AGR2: variants seen among roughly 807,000 people sequenced by gnomAD.
The protein encoded by AGR2 is anterior gradient protein 2 homolog.
In AGR2, 27 loss-of-function variants were observed where a neutral mutation model predicts 25.9. The ratio of observed to expected loss-of-function variants is 1.04; its 90% CI spans 0.77 to 1.44. The LOEUF is 1.44. Among genes scored for constraint, AGR2 ranks in the 40% most tolerant of loss-of-function variants. The pLI, the probability that AGR2 is intolerant of heterozygous loss-of-function variation, is 0.00. For synonymous variants in AGR2, 78 were observed against 72.0 expected (o/e 1.08, Z -0.42); for missense variants, 182 against 200.9 (o/e 0.91, Z 0.57).
rs754083048 is a variant in AGR2 at position 16,801,191 on chromosome 7, C to T, written c.216G>A (p.Leu72=). 1 of 1,613,734 alleles carries T rather than the reference C, an allele frequency of 6.2e-7. No homozygotes were observed. The highest frequency in any genetic ancestry group is 8.5e-7 in the Non-Finnish European group (1 of 1,179,890). Residue 72 remains leucine, a synonymous_variant, in exon 4 of 8, where the codon TTG becomes TTA. Coordinates refer to ENST00000419304, the MANE Select transcript of AGR2 (RefSeq NM_006408.4). ...ACTCATCCAAGTGATGAATAATCAT[C>T]AAGGGTTTGTTGCTTTAAAAGACAG... ...LYKSKTSNKP[L]MIIHHLDECP...
intron 6 of AGR2, among the ~76,000 whole-genome samples, 190 bp downstream of exon 6, chr7:16,797,441 T>C (rs1305851580): frequency 6.6e-6 from 1 of 152,140 alleles, no homozygotes; most frequent in African/African-American, 2.4e-5. Flanking sequence ...AAGTGTTGTG[T>C]GGAAATAGGT....
chr7:16,793,652 A>T (rs1435310443), intron 7 of AGR2, among the ~76,000 whole-genome samples: 1 of 152,228 alleles, frequency 6.6e-6, no homozygotes, highest in Non-Finnish European at 1.5e-5. Flanking sequence ...CTTTATGCAG[A>T]TGAATTCTTT....
intron 6 of AGR2, among the ~76,000 whole-genome samples, chr7:16,797,120 G>A (rs1456338414): frequency 6.6e-6 from 1 of 151,966 alleles, no homozygotes; most frequent in Non-Finnish European, 1.5e-5. Context: ...TAGAGATGGG[G>A]TTTCACCTTG....
intron 1 of AGR2, among the ~76,000 whole-genome samples, chr7:16,802,121 A>T (rs917313595): frequency 1.3e-5 from 2 of 152,006 alleles, no homozygotes; most frequent in Admixed American, 6.6e-5. Context: ...ACCGCGTCCA[A>T]AATAAGTGAG....
intron 4 of AGR2, among the ~76,000 whole-genome samples, chr7:16,800,607 G>T (rs1785125838): frequency 6.6e-6 from 1 of 152,206 alleles, no homozygotes; most frequent in Non-Finnish European, 1.5e-5. Context: ...TGGCTGTAGG[G>T]TGGCCAGTTA....
At position 16,792,803 on chromosome 7, in the gene AGR2, A is replaced by C; in HGVS notation, c.*105T>G. ...TTGTTGTAACATTAAACCATAACCT[A>C]ATCAGTGTGTTCACTATGCTTCCAC... is the stretch of plus-strand genomic sequence containing the variant. On this transcript the variant is annotated 3_prime_UTR_variant, in exon 8 of 8. Transcript: ENST00000419304. 1 of 1,000,494 alleles carries C rather than the reference A, an allele frequency of 1.0e-6. No individual in the cohort carries two copies. The highest frequency in any genetic ancestry group is 1.6e-6 in the Non-Finnish European group (1 of 627,078). 62.0% of individuals were successfully genotyped at this position (1,000,494 alleles called of 1,614,324 possible).
intron 1 of AGR2, among the ~76,000 whole-genome samples, chr7:16,802,139 C>T (rs1785159947): frequency 1.3e-5 from 2 of 151,964 alleles, no homozygotes; most frequent in Admixed American, 1.3e-4. Context: ...GAGCACAGTG[C>T]AATAAGATAT....
intron 4 of AGR2, among the ~76,000 whole-genome samples, chr7:16,800,202 G>T (rs189875552): frequency 4.6e-5 from 7 of 152,360 alleles, no homozygotes; most frequent in Admixed American, 2.6e-4. Flanking sequence ...ATACTTTCAG[G>T]TAGAGATATG....
chr7:16,802,865 CTG>C (rs1049931789), intron 1 of AGR2, among the ~76,000 whole-genome samples: 1 of 152,120 alleles, frequency 6.6e-6, no homozygotes, highest in African/African-American at 2.4e-5. Flanking sequence ...CAAGGGCTCA[CTG>C]TGTTGCCCAG....
chr7:16,795,657 A>G (rs1228774310), intron 6 of AGR2, among the ~76,000 whole-genome samples: 1 of 152,214 alleles, frequency 6.6e-6, no homozygotes, highest in Non-Finnish European at 1.5e-5. Context: ...AAGTGATCTA[A>G]TTAATGAGAA....
chr7:16,800,079 G>C (rs923196799), intron 4 of AGR2, among the ~76,000 whole-genome samples: 1 of 151,970 alleles, frequency 6.6e-6, no homozygotes, highest in Non-Finnish European at 1.5e-5. Context: ...CATGTGTTAC[G>C]CACTGTGTTC....
rs1472107449 is a variant in AGR2 at position 16,801,811 on chromosome 7, G to A, written c.-7-8C>T. On this transcript the variant is annotated splice_region_variant and splice_polypyrimidine_tract_variant and intron_variant, in intron 1 of 7. Transcript: ENST00000419304. The stretch of plus-strand genomic sequence containing the variant: ...ATTTTCTCCATGGCAACTCTAGTAT[G>A]GAAAACCAACCAAAATCAGTAAACA... 6 of 1,599,928 alleles carry A rather than the reference G, an allele frequency of 3.8e-6. No homozygotes were observed. The highest frequency in any genetic ancestry group is 5.1e-6 in the Non-Finnish European group (6 of 1,170,906).
In AGR2 at chr7:16,794,944, G is replaced by C; in HGVS notation, c.470C>G (p.Thr157Arg). The C allele has an allele frequency of 6.2e-7, 1 of 1,614,178 alleles. No individual in the cohort carries two copies. Among genetic ancestry groups the C allele is most frequent in the Non-Finnish European group, 8.5e-7 (1 of 1,180,008 alleles). Residue 157 changes from threonine to arginine, a missense_variant, in exon 7 of 8, where the codon ACA becomes AGA. Transcript: ENST00000419304. ...TTGAAGGTCACACTTACACAGAGCT[G>C]TATCTGCAGGTTCGTAAGCATAGAG... ...NRLYAYEPAD[T>R]ALLLDNMKKA...
chr7:16,792,660 C>T lies in AGR2; in HGVS notation c.*248G>A. The T allele has an allele frequency of 6.5e-6, 3 of 460,910 alleles. No individual in the cohort carries two copies. In the South Asian group the frequency reaches 1.0e-4, roughly 16 times the overall value. 28.6% of individuals were successfully genotyped at this position (460,910 alleles called of 1,614,324 possible). A position where few individuals can be genotyped will look rare whatever the true frequency, so the allele number is the denominator to read the frequency against. Reference sequence around the variant, plus strand: ...CCAAGTTGGAGAAAACAGAACACCCCCAAAACATTTATTTTTTTTTTTAGA... The same window carrying T: ...CCAAGTTGGAGAAAACAGAACACCCTCAAAACATTTATTTTTTTTTTTAGA... On this transcript the variant is annotated 3_prime_UTR_variant, in exon 8 of 8. Transcript: ENST00000419304.
At chr7:16,795,864 T>G (rs1785037187) in intron 6 of AGR2, among the ~76,000 whole-genome samples, 1 of 152,210 alleles carries the variant, frequency 6.6e-6, no homozygotes, top group Non-Finnish European at 1.5e-5. Context: ...ATCTGTCATT[T>G]CAGAATGTTG....
chr7:16,799,566 C>A (rs1167144512), intron 5 of AGR2, 178 bp downstream of exon 5: 2 of 528,052 alleles, frequency 3.8e-6, no homozygotes, highest in South Asian at 6.5e-5. Context: ...TAAAAACAGA[C>A]ACACCAAATG....
rs1784970727 is a variant in AGR2 at position 16,791,825 on chromosome 7, G to T, written c.*1083C>A. 6.7e-6 allele frequency: 1 copy of T among 149,498 alleles called. No homozygotes were observed. The highest frequency in any genetic ancestry group is 1.5e-5 in the Non-Finnish European group (1 of 68,032). 9.3% of individuals were successfully genotyped at this position (149,498 alleles called of 1,614,324 possible). A position where few individuals can be genotyped will look rare whatever the true frequency, so the allele number is the denominator to read the frequency against. ...ATGCCAAAAGATCTGTTCAAAAAAG[G>T]TTTTATCCAAAAAAGTTAATCAAGA... On this transcript the variant is annotated 3_prime_UTR_variant, in exon 8 of 8. Coordinates refer to ENST00000419304, the MANE Select transcript of AGR2 (RefSeq NM_006408.4).
chr7:16,795,183 T>A (rs1259781643), intron 6 of AGR2, among the ~76,000 whole-genome samples, 164 bp from the exon 7 acceptor site: 1 of 152,148 alleles, frequency 6.6e-6, no homozygotes, highest in Non-Finnish European at 1.5e-5. Context: ...ACCCAGCCCC[T>A]GGCAGTTAGT....
chr7:16,801,493 A>G (rs775708589), intron 2 of AGR2, 110 bp from the exon 3 acceptor site: 2 of 1,340,716 alleles, frequency 1.5e-6, no homozygotes, highest in East Asian at 2.4e-5. Flanking sequence ...AAGAAGAAGA[A>G]AAACCCCTGG....
Sources: allele counts gnomAD v4.1 joint callset (sites outside exome capture counted in the v4.1 genomes callset), GRCh38; gene constraint gnomAD v4.1.1; transcripts MANE v1.5; gene names NCBI Gene and HGNC (gene_info 2026-07-23, HGNC 2026-07-21).